Variants in SOCS2 observed in about 807,000 individuals in gnomAD.
The protein encoded by SOCS2 is suppressor of cytokine signaling 2, also known as CIS-2.
SOCS2 carries 10 observed loss-of-function variants against 18.6 expected under a neutral mutation model. The observed-to-expected ratio is 0.54, with a 90% CI of 0.33 to 0.91. The LOEUF is 0.91. Ranked by LOEUF, SOCS2 falls within the 40% of genes least tolerant of loss-of-function variation. The pLI, the probability that SOCS2 is intolerant of heterozygous loss-of-function variation, is 0.02. For missense variants in SOCS2, 231 were observed against 247.2 expected (o/e 0.93, Z 0.44); for synonymous variants, 104 against 104.0 (o/e 1.00, Z 0.00).
intron 1 of SOCS2, chr12:93,573,540 C>G (rs1024051234): frequency 4.3e-6 from 1 of 234,504 alleles, no homozygotes; most frequent in Non-Finnish European, 8.2e-6. Flanking sequence ...CTGCGAAGCC[C>G]CCGCCGAGCG....
chr12:93,577,929 C>G (rs1208240227), downstream of SOCS2, among the ~76,000 whole-genome samples: 3 of 152,152 alleles, frequency 2.0e-5, no homozygotes. Context: ...TGTTTTCTCC[C>G]AATGTAGGGC....
rs1048536432 is a variant in SOCS2 at position 93,573,240 on chromosome 12, G to A, written c.139+204G>A. The A allele has an allele frequency of 2.0e-5, 13 of 644,784 alleles. 1 individual carries two copies. Among genetic ancestry groups the A allele is most frequent in the African/African-American group, 1.5e-4 (8 of 54,672 alleles). 39.9% of individuals were successfully genotyped at this position (644,784 alleles called of 1,614,324 possible). A position where few individuals can be genotyped will look rare whatever the true frequency, so the allele number is the denominator to read the frequency against. On this transcript the variant is annotated intron_variant, in intron 1 of 1. Transcript: ENST00000551556. Reference sequence around the variant, plus strand: ...GTTCTCCAGGGACTCAGGCCTGGCGGAGCGCAGAGCGCGGGAAGAGCTTCT... The same window carrying A: ...GTTCTCCAGGGACTCAGGCCTGGCGAAGCGCAGAGCGCGGGAAGAGCTTCT...
the SOCS2 span, among the ~76,000 whole-genome samples, chr12:93,610,708 C>T: frequency 1.3e-5 from 2 of 152,124 alleles, no homozygotes; most frequent in African/African-American, 2.4e-5. Context: ...TGTGAAGACA[C>T]AGTGTTCATC....
chr12:93,599,193 G>C, the SOCS2 span, among the ~76,000 whole-genome samples: 1 of 105,458 alleles, frequency 9.5e-6, no homozygotes, highest in African/African-American at 4.3e-5. Flanking sequence ...TTTTTTTTGA[G>C]ACAGGGTCTC....
chr12:93,602,544 C>T, the SOCS2 span, among the ~76,000 whole-genome samples: 1 of 152,122 alleles, frequency 6.6e-6, no homozygotes, highest in Admixed American at 6.6e-5. Flanking sequence ...GAAATGGAAC[C>T]AGTTTCCAAT....
At chr12:93,580,725 T>C (rs185511990), downstream of SOCS2, among the ~76,000 whole-genome samples, 34 of 152,312 alleles carry the variant, frequency 2.2e-4, no homozygotes, top group African/African-American at 7.2e-4. Flanking sequence ...CCTTGCCATC[T>C]TGATGAACTT....
chr12:93,615,939 T>C, the SOCS2 span, among the ~76,000 whole-genome samples: 1 of 152,176 alleles, frequency 6.6e-6, no homozygotes, highest in Non-Finnish European at 1.5e-5. Flanking sequence ...ACAGGATCCA[T>C]CCCTCTTATT....
the SOCS2 span, among the ~76,000 whole-genome samples, chr12:93,621,640 C>T: frequency 6.6e-6 from 1 of 152,042 alleles, no homozygotes; most frequent in East Asian, 1.9e-4. Flanking sequence ...TCATGCCCAG[C>T]TAATTAAAAA....
the SOCS2 span, among the ~76,000 whole-genome samples, chr12:93,600,773 TTTA>T: frequency 6.6e-6 from 1 of 151,372 alleles, no homozygotes; most frequent in Non-Finnish European, 1.5e-5. Flanking sequence ...AATAAAACAT[TTTA>T]TTATTTATTA....
chr12:93,614,652 A>G, the SOCS2 span, among the ~76,000 whole-genome samples: 32 of 133,268 alleles, frequency 2.4e-4, no homozygotes, highest in Non-Finnish European at 3.1e-5. Context: ...GTCTGGCTCT[A>G]ATGCCCAGGC....
chr12:93,614,313 A>G, the SOCS2 span, among the ~76,000 whole-genome samples: 1 of 150,722 alleles, frequency 6.6e-6, no homozygotes, highest in African/African-American at 2.4e-5. Flanking sequence ...CCTACCCTCA[A>G]CTCTGGGTGT....
At chr12:93,604,249 G>A in the SOCS2 span, among the ~76,000 whole-genome samples, 1 of 152,060 alleles carries the variant, frequency 6.6e-6, no homozygotes, top group Non-Finnish European at 1.5e-5. Flanking sequence ...TTAATCCTCT[G>A]ATGTGGAAAG....
At chr12:93,626,161 A>C in the SOCS2 span, among the ~76,000 whole-genome samples, 7 of 152,098 alleles carry the variant, frequency 4.6e-5, no homozygotes, top group Non-Finnish European at 8.8e-5. Flanking sequence ...GCCTCTTTCT[A>C]TTTATCCCAC....
At chr12:93,598,938 CAATT>C in the SOCS2 span, among the ~76,000 whole-genome samples, 1 of 152,102 alleles carries the variant, frequency 6.6e-6, no homozygotes, top group African/African-American at 2.4e-5. Flanking sequence ...GAGGTTGTAC[CAATT>C]ATTGTCCCTA....
At chr12:93,586,112 G>A (rs746596499), downstream of SOCS2, among the ~76,000 whole-genome samples, 25 of 152,164 alleles carry the variant, frequency 1.6e-4, no homozygotes, top group Middle Eastern at 3.4e-3. Flanking sequence ...GGAAACCCAC[G>A]GGTACAGAGG....
chr12:93,577,856 A>G (rs1337068277), downstream of SOCS2, among the ~76,000 whole-genome samples: 1 of 152,200 alleles, frequency 6.6e-6, no homozygotes, highest in Non-Finnish European at 1.5e-5. Flanking sequence ...CCCCATTTAT[A>G]CATGGTGGAA....
chr12:93,620,720 G>A, the SOCS2 span, among the ~76,000 whole-genome samples: 206 of 152,284 alleles, frequency 1.4e-3, 1 homozygote, highest in African/African-American at 4.6e-3. Context: ...GGCCTGGAGC[G>A]ACATTTATTC....
At chr12:93,571,297 CG>C (rs1436744108), upstream of SOCS2, 1 of 152,138 alleles carries the variant, frequency 6.6e-6, no homozygotes, top group Non-Finnish European at 1.5e-5. Flanking sequence ...CCGCGTGCGC[CG>C]GGGAGCGGCG....
the SOCS2 span, among the ~76,000 whole-genome samples, chr12:93,602,953 C>T: frequency 3.3e-5 from 5 of 152,218 alleles, no homozygotes; most frequent in East Asian, 3.9e-4. Flanking sequence ...GCCTAGAGAG[C>T]GCTGCTGGGC....
Sources: gnomAD v4.1 joint callset for allele counts (sites outside exome capture counted in the v4.1 genomes callset) on GRCh38, gnomAD v4.1.1 for gene constraint, MANE v1.5 for transcripts, NCBI Gene and HGNC (gene_info 2026-07-23, HGNC 2026-07-21) for gene names.